The following SCHIP1 variants were observed in gnomAD, a reference collection of about 807,000 sequenced individuals.
SCHIP1 encodes the protein schwannomin interacting protein 1.
Under a neutral mutation model 29.7 loss-of-function variants are expected in SCHIP1, and 8 were observed. The ratio of observed to expected loss-of-function variants is 0.27; its 90% confidence interval spans 0.16 to 0.49. The LOEUF (loss-of-function observed/expected upper bound fraction) is 0.49, where lower values mean the gene tolerates loss of function less well. Among genes scored for constraint, SCHIP1 ranks in the 20% least tolerant of loss-of-function variants. The pLI is 0.99. For synonymous variants in SCHIP1, 76 were observed against 94.9 expected (o/e 0.80, Z 1.16); for missense variants, 193 against 294.6 (o/e 0.66, Z 2.52).
the SCHIP1 span, among the ~76,000 whole-genome samples, chr3:159,709,633 A>G: frequency 6.6e-6 from 1 of 151,980 alleles, no homozygotes; most frequent in Admixed American, 6.6e-5. Flanking sequence ...AAAGTTTCTC[A>G]CTCTTTGACT....
the SCHIP1 span, among the ~76,000 whole-genome samples, chr3:159,624,512 A>G: frequency 6.6e-6 from 1 of 152,182 alleles, no homozygotes; most frequent in Non-Finnish European, 1.5e-5. Context: ...ATTAGGGAGA[A>G]ACCATGCAGA....
At chr3:159,776,756 G>A in the SCHIP1 span, among the ~76,000 whole-genome samples, 1 of 152,150 alleles carries the variant, frequency 6.6e-6, no homozygotes, top group Non-Finnish European at 1.5e-5. Flanking sequence ...GTACTAACAC[G>A]TGACTAAAAC....
the SCHIP1 span, among the ~76,000 whole-genome samples, chr3:159,560,466 T>C: frequency 6.6e-6 from 1 of 152,200 alleles, no homozygotes; most frequent in Admixed American, 6.5e-5. Context: ...CATCTTTATG[T>C]CCAACACGTG....
chr3:159,839,673 A>C (rs1744029797), upstream of SCHIP1, among the ~76,000 whole-genome samples: 1 of 125,040 alleles, frequency 8.0e-6, no homozygotes, highest in Non-Finnish European at 1.6e-5. Context: ...AGCACCAGCC[A>C]AGCAGCCTTA....
At chr3:159,567,810 A>G in the SCHIP1 span, among the ~76,000 whole-genome samples, 1 of 152,046 alleles carries the variant, frequency 6.6e-6, no homozygotes, top group East Asian at 1.9e-4. Context: ...TTGCTCCCCT[A>G]TGACTATTTT....
At chr3:159,774,593 G>A in the SCHIP1 span, among the ~76,000 whole-genome samples, 3 of 151,864 alleles carry the variant, frequency 2.0e-5, no homozygotes, top group Admixed American at 6.6e-5. Flanking sequence ...TATATTTCCC[G>A]TAAAGTGTAG....
At chr3:159,812,532 C>T in the SCHIP1 span, among the ~76,000 whole-genome samples, 62 of 152,190 alleles carry the variant, frequency 4.1e-4, no homozygotes, top group African/African-American at 1.5e-3. Context: ...ACATGGCGTG[C>T]ATATCCAGTC....
the SCHIP1 span, among the ~76,000 whole-genome samples, chr3:159,834,422 T>G: frequency 6.6e-6 from 1 of 152,210 alleles, no homozygotes. Flanking sequence ...TCTAGTCATT[T>G]GTGTACTGCC....
the SCHIP1 span, among the ~76,000 whole-genome samples, chr3:159,451,325 T>G: frequency 6.6e-6 from 1 of 152,172 alleles, no homozygotes. Context: ...TGGGCAAGAG[T>G]GTTAGACAAA....
At chr3:159,492,389 T>C in the SCHIP1 span, among the ~76,000 whole-genome samples, 1 of 152,116 alleles carries the variant, frequency 6.6e-6, no homozygotes, top group Non-Finnish European at 1.5e-5. Context: ...GAATAACCAA[T>C]GCAGAGAAGT....
At chr3:159,359,916 T>G in the SCHIP1 span, among the ~76,000 whole-genome samples, 1 of 152,200 alleles carries the variant, frequency 6.6e-6, no homozygotes, top group African/African-American at 2.4e-5. Context: ...ACAGCAGGCC[T>G]GTTGTGAAAA....
At chr3:159,525,041 C>T in the SCHIP1 span, among the ~76,000 whole-genome samples, 1 of 152,178 alleles carries the variant, frequency 6.6e-6, no homozygotes, top group Non-Finnish European at 1.5e-5. Context: ...AGTTTCTTTT[C>T]TCTACTGGGA....
At chr3:159,736,016 G>A in the SCHIP1 span, among the ~76,000 whole-genome samples, 3,283 of 152,010 alleles carry the variant, frequency 0.022, 63 homozygotes, top group African/African-American at 0.043. Context: ...TGCCAGGACA[G>A]GTGCTCAGTA....
At chr3:159,449,251 T>C in the SCHIP1 span, among the ~76,000 whole-genome samples, 3 of 152,166 alleles carry the variant, frequency 2.0e-5, no homozygotes, top group Non-Finnish European at 2.9e-5. Context: ...AAATGGTGTG[T>C]AGATCTTGGA....
intron 2 of SCHIP1, among the ~76,000 whole-genome samples, chr3:159,875,708 C>G (rs1469611443): frequency 6.6e-6 from 1 of 152,200 alleles, no homozygotes; most frequent in Admixed American, 6.5e-5. Flanking sequence ...GCCATGTTAT[C>G]TAAGGTTTAA....
the SCHIP1 span, among the ~76,000 whole-genome samples, chr3:159,720,192 C>T: frequency 7.7e-6 from 1 of 130,594 alleles, no homozygotes; most frequent in Non-Finnish European, 1.5e-5. Flanking sequence ...AACTCTTGGA[C>T]ACAGGGTGGG....
chr3:159,576,208 C>T, the SCHIP1 span, among the ~76,000 whole-genome samples: 1 of 152,144 alleles, frequency 6.6e-6, no homozygotes, highest in East Asian at 1.9e-4. Flanking sequence ...TTCAAAATAT[C>T]ACTTCATATC....
At chr3:159,673,692 C>G in the SCHIP1 span, among the ~76,000 whole-genome samples, 2 of 152,178 alleles carry the variant, frequency 1.3e-5, no homozygotes, top group African/African-American at 4.8e-5. Flanking sequence ...CGTAAGCCAG[C>G]TTGCCCTTTG....
At chr3:159,308,154 TTGC>T in the SCHIP1 span, among the ~76,000 whole-genome samples, 1 of 152,156 alleles carries the variant, frequency 6.6e-6, no homozygotes, top group African/African-American at 2.4e-5. Flanking sequence ...AATCTGTAAA[TTGC>T]TTTCAGCAGT....
Sources: allele counts gnomAD v4.1 joint callset (sites outside exome capture counted in the v4.1 genomes callset), GRCh38; gene constraint gnomAD v4.1.1; transcripts MANE v1.5; gene names NCBI Gene and HGNC (gene_info 2026-07-23, HGNC 2026-07-21).